The following AKAP7 variants were observed in gnomAD, a reference collection of about 807,000 sequenced individuals.
AKAP7 encodes the protein A kinase (PRKA) anchor protein 7.
Under a neutral mutation model 39.5 loss-of-function variants are expected in AKAP7, and 39 were observed. The observed-to-expected ratio is 0.99, with a 90% CI of 0.76 to 1.29. The LOEUF (loss-of-function observed/expected upper bound fraction) is 1.29. Among genes scored for constraint, AKAP7 ranks in the 50% most tolerant of loss-of-function variants. AKAP7 has a pLI of 0.00. For synonymous variants in AKAP7, 140 were observed against 139.1 expected (o/e 1.01, Z -0.05); for missense variants, 414 against 407.7 (o/e 1.02, Z -0.13).
At chr6:131,172,195 T>G (rs1272093745) in intron 5 of AKAP7, among the ~76,000 whole-genome samples, 1 of 152,162 alleles carries the variant, frequency 6.6e-6, no homozygotes, top group Non-Finnish European at 1.5e-5. Context: ...TACAAAAACC[T>G]ATAAATAATT....
At chr6:131,221,313 G>A (rs947986040) in intron 7 of AKAP7, among the ~76,000 whole-genome samples, 2 of 152,194 alleles carry the variant, frequency 1.3e-5, no homozygotes, top group African/African-American at 4.8e-5. Flanking sequence ...AGGTAAGAAA[G>A]GTGAGCAAGG....
intron 6 of AKAP7, among the ~76,000 whole-genome samples, chr6:131,216,748 G>A (rs1468059670): frequency 6.6e-6 from 1 of 151,962 alleles, no homozygotes; most frequent in Non-Finnish European, 1.5e-5. Context: ...CTAATGTTAC[G>A]TTGCATAATT....
intron 4 of AKAP7, among the ~76,000 whole-genome samples, chr6:131,166,971 C>A (rs1488791903): frequency 1.3e-5 from 2 of 151,958 alleles, no homozygotes; most frequent in Admixed American, 1.3e-4. Context: ...TCATTAATTT[C>A]TTGAGGTAGA....
intron 7 of AKAP7, among the ~76,000 whole-genome samples, chr6:131,257,720 C>T (rs1044679164): frequency 2.3e-4 from 35 of 152,164 alleles, no homozygotes; most frequent in African/African-American, 8.4e-4. Context: ...GAGCAAGTAC[C>T]ATCAGGAAGA....
chr6:131,249,258 C>G (rs887962335), intron 7 of AKAP7, among the ~76,000 whole-genome samples: 3 of 151,990 alleles, frequency 2.0e-5, no homozygotes, highest in Admixed American at 6.6e-5. Context: ...CTCAAATACT[C>G]TTTGATATTT....
intron 7 of AKAP7, chr6:131,250,717 A>G: frequency 1.7e-6 from 2 of 1,163,482 alleles, no homozygotes; most frequent in Non-Finnish European, 2.5e-6. Flanking sequence ...GAAGGATAGC[A>G]GACTAATCAG....
chr6:131,185,230 A>T (rs1248727227), intron 5 of AKAP7: 3 of 471,472 alleles, frequency 6.4e-6, no homozygotes, highest in Non-Finnish European at 1.2e-5. Flanking sequence ...GGATCTTCAC[A>T]GGGGTGGGCT....
chr6:131,226,119 G>A (rs139650865), intron 7 of AKAP7, among the ~76,000 whole-genome samples: 204 of 152,304 alleles, frequency 1.3e-3, no homozygotes, highest in African/African-American at 4.6e-3. Flanking sequence ...GACCTTGAGC[G>A]TAGCTATCTT....
At chr6:131,189,660 T>G (rs1466830287) in intron 5 of AKAP7, among the ~76,000 whole-genome samples, 1 of 152,216 alleles carries the variant, frequency 6.6e-6, no homozygotes, top group Non-Finnish European at 1.5e-5. Context: ...GAAAAAAATA[T>G]GTAAAGCCTA....
intron 6 of AKAP7, among the ~76,000 whole-genome samples, chr6:131,216,403 A>C (rs1402869424): frequency 6.6e-6 from 1 of 152,310 alleles, no homozygotes; most frequent in South Asian, 2.1e-4. Flanking sequence ...AATTTCCATT[A>C]CTTATCAGAT....
chr6:131,268,085 T>C (rs374782089), intron 7 of AKAP7, among the ~76,000 whole-genome samples: 1 of 152,282 alleles, frequency 6.6e-6, no homozygotes, highest in East Asian at 1.9e-4. Flanking sequence ...GTAATTGTAT[T>C]GCATTAATCA....
intron 3 of AKAP7, among the ~76,000 whole-genome samples, chr6:131,160,401 CAGGGT>C: frequency 6.6e-6 from 1 of 152,154 alleles, no homozygotes; most frequent in African/African-American, 2.4e-5. Context: ...TTTTCTGAGA[CAGGGT>C]CTTGCTCTGG....
At chr6:131,206,532 G>A (rs1467665802) in intron 6 of AKAP7, among the ~76,000 whole-genome samples, 1 of 152,096 alleles carries the variant, frequency 6.6e-6, no homozygotes, top group Non-Finnish European at 1.5e-5. Context: ...GAAAAGGAGA[G>A]CATATGGTTG....
chr6:131,145,844 G>A (rs774501251), intron 2 of AKAP7, among the ~76,000 whole-genome samples: 3 of 152,190 alleles, frequency 2.0e-5, no homozygotes, highest in East Asian at 1.9e-4. Flanking sequence ...GTGAATGATC[G>A]TGCCGCGCCA....
intron 6 of AKAP7, among the ~76,000 whole-genome samples, chr6:131,209,682 T>C (rs1448024439): frequency 6.6e-6 from 1 of 152,246 alleles, no homozygotes; most frequent in Non-Finnish European, 1.5e-5. Flanking sequence ...ATAAAAATTC[T>C]ATCTCAAAGA....
chr6:131,183,721 CAGGGCAGAGCCAGG>C, intron 5 of AKAP7, among the ~76,000 whole-genome samples: 1 of 152,074 alleles, frequency 6.6e-6, no homozygotes, highest in South Asian at 2.1e-4. Flanking sequence ...TGGACTGGGA[CAGGGCAGAGCCAGG>C]AGGGTGACCG....
intron 7 of AKAP7, among the ~76,000 whole-genome samples, chr6:131,248,150 A>G (rs1267911935): frequency 6.6e-6 from 1 of 152,210 alleles, no homozygotes; most frequent in East Asian, 1.9e-4. Flanking sequence ...ACCTGGTGCT[A>G]GAAAGACTGA....
intron 2 of AKAP7, among the ~76,000 whole-genome samples, chr6:131,147,521 T>C (rs1232825356): frequency 6.6e-6 from 1 of 152,220 alleles, no homozygotes; most frequent in Non-Finnish European, 1.5e-5. Flanking sequence ...CTGAAGAATT[T>C]TCATACCTGT....
At chr6:131,240,505 G>A (rs1408994491) in intron 7 of AKAP7, among the ~76,000 whole-genome samples, 3 of 152,208 alleles carry the variant, frequency 2.0e-5, no homozygotes, top group Non-Finnish European at 4.4e-5. Flanking sequence ...GCCCCCAGAG[G>A]TGAAGTCTAT....
Sources: gnomAD v4.1 joint callset for allele counts (sites outside exome capture counted in the v4.1 genomes callset) on GRCh38, gnomAD v4.1.1 for gene constraint, MANE v1.5 for transcripts, NCBI Gene and HGNC (gene_info 2026-07-23, HGNC 2026-07-21) for gene names.